ACAT1: variants seen among roughly 807,000 people sequenced by gnomAD.
ACAT1 encodes acetyl-CoA acetyltransferase 1, also known as acetyl-CoA acetyltransferase, mitochondrial.
ACAT1 carries 28 observed loss-of-function variants against 47.3 expected under a neutral mutation model. The observed-to-expected ratio is 0.59, with a 90% CI of 0.44 to 0.81. The LOEUF (loss-of-function observed/expected upper bound fraction) is 0.81, where lower values mean the gene tolerates loss of function less well. Among genes scored for constraint, ACAT1 ranks in the 30% least tolerant of loss-of-function variants. ACAT1 has a pLI of 0.00. For synonymous variants in ACAT1, 181 were observed against 173.6 expected, an observed-to-expected ratio of 1.04 and a Z score of -0.34; for missense variants, 469 against 524.3, an observed-to-expected ratio of 0.89 and a Z score of 1.03.
rs1489272053 is a variant in ACAT1, at chr11:108,125,947, C to CATGAA, written c.72+4270_72+4274dup. On this transcript the variant is annotated intron_variant, in intron 1 of 11. Coordinates refer to ENST00000265838, the MANE Select transcript of ACAT1 (RefSeq NM_000019.4). ...TCTAAAAAAAAAAAAAAAGAAAAGA[C>CATGAA]ATGAAGAATAAAAATGAGCCAGCCA... 3.9e-4 allele frequency among the ~76,000 whole-genome samples: 58 copies of CATGAA among 150,578 alleles called. 1 individual carries two copies. The highest frequency in any genetic ancestry group is 1.3e-3 in the African/African-American group (52 of 41,020).
chr11:108,121,545 C>A (rs1237769677), upstream of ACAT1: 2 of 1,513,544 alleles, frequency 1.3e-6, no homozygotes, highest in African/African-American at 1.4e-5. Flanking sequence ...GCTAGGGGTG[C>A]GGGGTTGGGG....
intron 10 of ACAT1, 159 bp from the exon 11 acceptor site, chr11:108,146,043 G>GTT (rs1204271633): frequency 2.3e-5 from 15 of 642,684 alleles, no homozygotes; most frequent in Non-Finnish European, 3.9e-5. Context: ...CAAGACTGTT[G>GTT]GAAAAAAAAA....
rs988314836 is a variant in ACAT1, at chr11:108,136,282, A to T, written c.435+1040A>T. ...AAATAGAGTGGTGAACAAAACATTT[A>T]AAAAAATCTGTACATGTGCAGGTCT... On this transcript the variant is annotated intron_variant, in intron 5 of 11. Coordinates refer to ENST00000265838, the MANE Select transcript of ACAT1 (RefSeq NM_000019.4). The T allele has an allele frequency of 4.1e-4, 168 of 410,752 alleles. 1 individual carries two copies. The East Asian group carries it at 5.8e-3, about 14-fold the overall frequency. The allele number at this position is 410,752 out of a possible 1,614,324, so 25.4% of individuals were successfully genotyped here. A position where few individuals can be genotyped will look rare whatever the true frequency, so the allele number is the denominator to read the frequency against.
Position 108,131,354 on chromosome 11 carries a change from A to ATTT in ACAT1, c.73-537_73-535dup, listed in dbSNP as rs397951009. ...AAGCTATATTTAAGAAAGACTTGGA[A>ATTT]TTTTTTTTTTTTTTTTTTAGACAGT... On this transcript the variant is annotated intron_variant, in intron 1 of 11. Transcript: ENST00000265838. 6.9e-4 allele frequency among the ~76,000 whole-genome samples: 43 copies of ATTT among 62,656 alleles called. 6 individuals are homozygous for ATTT. The highest frequency in any genetic ancestry group is 4.7e-3 in the South Asian group (5 of 1,062). 41.1% of individuals were successfully genotyped at this position (62,656 alleles called of 152,430 possible). A position where few individuals can be genotyped will look rare whatever the true frequency, so the allele number is the denominator to read the frequency against.
chr11:108,118,702 A>G (rs973972863), upstream of ACAT1, among the ~76,000 whole-genome samples: 3 of 152,220 alleles, frequency 2.0e-5, no homozygotes, highest in African/African-American at 4.8e-5. Context: ...ATTATTAGCT[A>G]CATTTTTGCC....
At chr11:108,137,791 A>G (rs566685841) in intron 5 of ACAT1, among the ~76,000 whole-genome samples, 1 of 152,032 alleles carries the variant, frequency 6.6e-6, no homozygotes, top group East Asian at 2.0e-4. Context: ...AAAATATTAT[A>G]CAAAAATTAG....
chr11:108,141,240 C>G (rs955865515), intron 7 of ACAT1, among the ~76,000 whole-genome samples: 1 of 151,800 alleles, frequency 6.6e-6, no homozygotes, highest in Admixed American at 6.6e-5. Context: ...ACAAAATTAG[C>G]TGGCTGTGGT....
chr11:108,134,805 C>T (rs1276856563), intron 4 of ACAT1, among the ~76,000 whole-genome samples: 2 of 151,196 alleles, frequency 1.3e-5, no homozygotes, highest in East Asian at 1.9e-4. Context: ...ATTAGTTGGG[C>T]GTGGTGGCCA....
intron 8 of ACAT1, 110 bp downstream of exon 8, chr11:108,141,810 TTA>T: frequency 1.3e-6 from 1 of 758,308 alleles, no homozygotes; most frequent in Non-Finnish European, 2.2e-6. Flanking sequence ...TAGATGTTAT[TTA>T]ACATTTTCAG....
chr11:108,124,041 T>C (rs1051191038), intron 1 of ACAT1, among the ~76,000 whole-genome samples: 3 of 152,186 alleles, frequency 2.0e-5, no homozygotes, highest in Non-Finnish European at 4.4e-5. Context: ...ATCAGCTGGC[T>C]TCTGGCTGGG....
At chr11:108,121,965 C>T in intron 1 of ACAT1, 1 of 520,912 alleles carries the variant, frequency 1.9e-6, no homozygotes, top group South Asian at 2.1e-5. Context: ...CGGGCAGGAC[C>T]GCCAGGATTG....
chr11:108,124,166 T>TG (rs1201325261), intron 1 of ACAT1, among the ~76,000 whole-genome samples: 1 of 152,224 alleles, frequency 6.6e-6, no homozygotes, highest in African/African-American at 2.4e-5. Flanking sequence ...TGGTTCCCGC[T>TG]TCTGCTGGGA....
chr11:108,147,440 T>C lies in ACAT1; in HGVS notation c.*50T>C, dbSNP rs2077743925. 2 of 1,590,504 alleles carry C rather than the reference T, an allele frequency of 1.3e-6. No homozygotes were observed. Among genetic ancestry groups the C allele is most frequent in the Non-Finnish European group, 1.7e-6 (2 of 1,163,064 alleles). On this transcript the variant is annotated 3_prime_UTR_variant, in exon 12 of 12. Transcript: ENST00000265838. ...AACCCTATGTGACCAGAAGGCCTGC[T>C]GTAATCAGTGTGACTACTGTGGGTC...
Position 108,121,649 on chromosome 11 carries a change from C to T in ACAT1, c.43C>T (p.Arg15Cys), listed in dbSNP as rs757688736. 17 of 1,550,332 alleles carry T rather than the reference C, an allele frequency of 1.1e-5. No individual in the cohort carries two copies. The highest frequency in any genetic ancestry group is 1.5e-5 in the Non-Finnish European group (17 of 1,147,518). The change falls in exon 1 of 12, where the codon CGC becomes TGC. Residue 15 changes from arginine (R) to cysteine (C), a missense_variant. Coordinates refer to ENST00000265838, the MANE Select transcript of ACAT1 (RefSeq NM_000019.4). ...ACTTCTGCGCAGCGGCGCCCGCAGC[C>T]GCAGCCCCCTGCTCCGGAGGCTGGT... ...AALLRSGARS[R>C]SPLLRRLVQE... is the part of the protein sequence containing the mutation.
rs373771053 is a variant in ACAT1 at position 108,146,320 on chromosome 11, A to G, written c.1124A>G (p.Asn375Ser). The change falls in exon 11 of 12, where the codon AAT becomes AGT. Residue 375 changes from asparagine to serine, a missense_variant. Transcript: ENST00000265838. ...KMLEIDPQKV[N>S]INGGAVSLGH... ...TTGGAGATTGATCCCCAAAAAGTGAATATCAATGGAGGAGCTGTTTCTCTG... is the reference window on the plus strand; with the variant it reads ...TTGGAGATTGATCCCCAAAAAGTGAGTATCAATGGAGGAGCTGTTTCTCTG... The G allele has an allele frequency of 1.2e-5, 20 of 1,613,956 alleles. No individual in the cohort carries two copies. Among genetic ancestry groups the G allele is most frequent in the Admixed American group, 5.0e-5 (3 of 59,994 alleles).
rs779188721 is a variant in ACAT1 at position 108,143,961 on chromosome 11, C to T, written c.941-22C>T. ...AAAAAAAAAAAGATTTTAACAACCC[C>T]CCCCCCCCTTTTTTTAAACAGCATT... On this transcript the variant is annotated intron_variant, in intron 9 of 11. Coordinates refer to ENST00000265838, the MANE Select transcript of ACAT1 (RefSeq NM_000019.4). 2.1e-5 allele frequency: 24 copies of T among 1,161,412 alleles called. 1 individual carries two copies. Among genetic ancestry groups the T allele is most frequent in the East Asian group, 1.3e-4 (4 of 31,252 alleles). The allele number at this position is 1,161,412 out of a possible 1,614,324, so 71.9% of individuals were successfully genotyped here.
intron 10 of ACAT1, among the ~76,000 whole-genome samples, chr11:108,144,916 T>C (rs1178450085): frequency 6.6e-6 from 1 of 152,182 alleles, no homozygotes; most frequent in African/African-American, 2.4e-5. Flanking sequence ...GCTACAGACA[T>C]AGCTATATAT....
chr11:108,145,227 T>TAAGA (rs1462604928), intron 10 of ACAT1, among the ~76,000 whole-genome samples: 2 of 152,318 alleles, frequency 1.3e-5, no homozygotes, highest in East Asian at 3.9e-4. Flanking sequence ...TCATATAGTG[T>TAAGA]AAGATTTTAA....
chr11:108,139,822 G>A (rs570935666), intron 6 of ACAT1, among the ~76,000 whole-genome samples: 87 of 105,852 alleles, frequency 8.2e-4, no homozygotes, highest in African/African-American at 2.7e-3. Flanking sequence ...CCCCATGCCC[G>A]GCTAATTTTT....
Sources: gnomAD v4.1 joint callset for allele counts (sites outside exome capture counted in the v4.1 genomes callset) on GRCh38, gnomAD v4.1.1 for gene constraint, MANE v1.5 for transcripts, NCBI Gene and HGNC (gene_info 2026-07-23, HGNC 2026-07-21) for gene names.